Variants in UGT2B17 observed in about 807,000 individuals in gnomAD.
UGT2B17 encodes the protein UDP glucuronosyltransferase family 2 member B17, also known as UDP-glucuronosyltransferase 2B17.
Under a neutral mutation model 48.2 loss-of-function variants are expected in UGT2B17, and 21 were observed. The ratio of observed to expected loss-of-function variants is 0.44; its 90% CI spans 0.31 to 0.63. The LOEUF is 0.63. Among genes scored for constraint, UGT2B17 ranks in the 20% least tolerant of loss-of-function variants. The probability of loss-of-function intolerance (pLI) is 0.08; values close to 1 mark genes in which losing one functional copy is unlikely to be tolerated. For missense variants in UGT2B17, 402 were observed against 696.1 expected, an observed-to-expected ratio of 0.58 and a Z score of 4.75; for synonymous variants, 146 against 238.4, an observed-to-expected ratio of 0.61 and a Z score of 3.57.
rs1327422524 is a variant in UGT2B17, at chr4:68,555,751, T to G, written c.1006-3840A>C. 2.4e-5 allele frequency among the ~76,000 whole-genome samples: 3 copies of G among 123,876 alleles called. 1 individual carries two copies. The highest frequency in any genetic ancestry group is 5.1e-5 in the Non-Finnish European group (3 of 58,662). The allele number at this position is 123,876 out of a possible 152,430, so 81.3% of individuals were successfully genotyped here. On this transcript the variant is annotated intron_variant, in intron 4 of 6. Coordinates refer to ENST00000317746, the MANE Select transcript of UGT2B17 (RefSeq NM_001077.4). ...AATAATAGATATTTCATTGTTTGGG[T>G]ATTTTTAAAAAAAAATTTGTAGGAA... is the stretch of plus-strand genomic sequence containing the variant.
rs200394257 is a variant in UGT2B17 at position 68,567,744 on chromosome 4, T to A, written c.724+17A>T. The A allele has an allele frequency of 1.0e-5, 13 of 1,294,688 alleles. 2 individuals carry two copies. Among genetic ancestry groups the A allele is most frequent in the Admixed American group, 5.6e-5 (2 of 35,778 alleles). 80.2% of individuals were successfully genotyped at this position (1,294,688 alleles called of 1,614,324 possible). On this transcript the variant is annotated intron_variant, in intron 2 of 6. Coordinates refer to ENST00000317746, the MANE Select transcript of UGT2B17 (RefSeq NM_001077.4). ...AAAATTAGAACTTAATAAACACCAA[T>A]TGGACACACGACTTACCTAGAACTT...
chr4:68,550,609 C>G lies in UGT2B17; in HGVS notation c.1313+68G>C, dbSNP rs1730896074. ...AAAATTAGTCTCTTAACAAAGGGTTCAAACTCATATTCACTGTTGACAAAA... is the reference window on the plus strand; with the variant it reads ...AAAATTAGTCTCTTAACAAAGGGTTGAAACTCATATTCACTGTTGACAAAA... On this transcript the variant is annotated intron_variant, in intron 6 of 6. Transcript: ENST00000317746. 7.5e-6 allele frequency: 9 copies of G among 1,200,990 alleles called. 2 individuals carry two copies. Among genetic ancestry groups the G allele is most frequent in the Non-Finnish European group, 9.9e-6 (9 of 909,092 alleles). 74.4% of individuals were successfully genotyped at this position (1,200,990 alleles called of 1,614,324 possible).
Position 68,550,569 on chromosome 4 carries a change from C to T in UGT2B17, c.1313+108G>A, listed in dbSNP as rs1162297232. ...AGAGCAGATTTTACATTGGTTAAAT[C>T]ACTTCAATCCCTTCAAAATTAGTCT... On this transcript the variant is annotated intron_variant, in intron 6 of 6. Transcript: ENST00000317746. 6 of 854,462 alleles carry T rather than the reference C, an allele frequency of 7.0e-6. 1 individual carries two copies. Among genetic ancestry groups the T allele is most frequent in the Non-Finnish European group, 9.5e-6 (6 of 634,646 alleles). 52.9% of individuals were successfully genotyped at this position (854,462 alleles called of 1,614,324 possible). A position where few individuals can be genotyped will look rare whatever the true frequency, so the allele number is the denominator to read the frequency against.
rs573979904 is a variant in UGT2B17, at chr4:68,572,815, T to C, written c.-65+3136A>G. Among the ~76,000 whole-genome samples, 3 of 126,170 alleles carry C rather than the reference T, an allele frequency of 2.4e-5. 1 individual carries two copies. Among genetic ancestry groups the C allele is most frequent in the African/African-American group, 8.2e-5 (3 of 36,746 alleles). The allele number at this position is 126,170 out of a possible 152,430, so 82.8% of individuals were successfully genotyped here. On this transcript the variant is annotated intron_variant, in intron 1 of 6. Coordinates refer to ENST00000317746, the MANE Select transcript of UGT2B17 (RefSeq NM_001077.4). ...GATGAGTCTCCTCATGCTTCAGCCA[T>C]GCGTGGACCAGTCAGCTTCTGGGTG...
At chr4:68,567,172 C>T (rs1173453711) in intron 2 of UGT2B17, among the ~76,000 whole-genome samples, 2 of 125,622 alleles carry the variant, frequency 1.6e-5, no homozygotes, top group Non-Finnish European at 3.4e-5. Context: ...TCACTTTCAA[C>T]AAGATTTCAG....
At chr4:68,538,024 T>G in intron 6 of UGT2B17, 120 bp from the exon 7 acceptor site, 2 of 728,848 alleles carry the variant, frequency 2.7e-6, no homozygotes, top group Non-Finnish European at 3.6e-6. Flanking sequence ...GTCATTGAAT[T>G]GACATAAAAT....
Position 68,566,154 on chromosome 4 carries a change from A to G in UGT2B17, c.725-434T>C, listed in dbSNP as rs1211130621. On this transcript the variant is annotated intron_variant, in intron 2 of 6. Transcript: ENST00000317746. ...TAATATTTAATAGTTTTAATTTAAT[A>G]TTTAAATTATTTAATAAAATAATTT... Among the ~76,000 whole-genome samples, 2 of 118,912 alleles carry G rather than the reference A, an allele frequency of 1.7e-5. 1 individual carries two copies. Among genetic ancestry groups the G allele is most frequent in the Non-Finnish European group, 3.4e-5 (2 of 58,148 alleles). 78.0% of individuals were successfully genotyped at this position (118,912 alleles called of 152,430 possible). A position where few individuals can be genotyped will look rare whatever the true frequency, so the allele number is the denominator to read the frequency against.
rs1159871384 is a variant in UGT2B17, at chr4:68,568,683, G to A, written c.-64-135C>T. 4.7e-5 allele frequency among the ~76,000 whole-genome samples: 6 copies of A among 126,834 alleles called. 1 individual carries two copies. Among genetic ancestry groups the A allele is most frequent in the African/African-American group, 1.6e-4 (6 of 37,142 alleles). The allele number at this position is 126,834 out of a possible 152,430, so 83.2% of individuals were successfully genotyped here. A position where few individuals can be genotyped will look rare whatever the true frequency, so the allele number is the denominator to read the frequency against. ...CAATAATTTTTATGACCTAGAATAC[G>A]TAAGTAACCTGTCTTATGTAATTAT... On this transcript the variant is annotated intron_variant, in intron 1 of 6. Transcript: ENST00000317746.
chr4:68,564,636 C>T lies in UGT2B17; in HGVS notation c.873+936G>A, dbSNP rs1415821685. 4.8e-5 allele frequency among the ~76,000 whole-genome samples: 6 copies of T among 124,684 alleles called. 1 individual carries two copies. The highest frequency in any genetic ancestry group is 1.0e-4 in the Non-Finnish European group (6 of 59,148). 81.8% of individuals were successfully genotyped at this position (124,684 alleles called of 152,430 possible). ...TTTTCCTGTAAACTAAATTTGGAGTCCTGGGAACTGCCCTTACTGCTTTTC... is the reference window on the plus strand; with the variant it reads ...TTTTCCTGTAAACTAAATTTGGAGTTCTGGGAACTGCCCTTACTGCTTTTC... On this transcript the variant is annotated intron_variant, in intron 3 of 6. Coordinates refer to ENST00000317746, the MANE Select transcript of UGT2B17 (RefSeq NM_001077.4).
At chr4:68,563,338 G>T (rs530164805) in intron 3 of UGT2B17, among the ~76,000 whole-genome samples, 1 of 127,162 alleles carries the variant, frequency 7.9e-6, no homozygotes, top group Non-Finnish European at 1.7e-5. Flanking sequence ...TGCCGGGCAC[G>T]GAGGCTCACA....
In UGT2B17 at chr4:68,544,473, C is replaced by T. The variant is rs1730753933; in HGVS notation, c.1313+6204G>A. Among the ~76,000 whole-genome samples the T allele has an allele frequency of 1.6e-5, 2 of 126,166 alleles. 1 individual carries two copies. The highest frequency in any genetic ancestry group is 1.6e-4 in the Admixed American group (2 of 12,360). 82.8% of individuals were successfully genotyped at this position (126,166 alleles called of 152,430 possible). A position where few individuals can be genotyped will look rare whatever the true frequency, so the allele number is the denominator to read the frequency against. On this transcript the variant is annotated intron_variant, in intron 6 of 6. Coordinates refer to ENST00000317746, the MANE Select transcript of UGT2B17 (RefSeq NM_001077.4). ...TAAACATGGAAAGGAACAACTGGTACCAGCCACTGCAAAAACATGCCAAAT... is the reference window on the plus strand; with the variant it reads ...TAAACATGGAAAGGAACAACTGGTATCAGCCACTGCAAAAACATGCCAAAT...
At chr4:68,542,869 T>C (rs1415524508) in intron 6 of UGT2B17, among the ~76,000 whole-genome samples, 1 of 126,886 alleles carries the variant, frequency 7.9e-6, no homozygotes, top group Admixed American at 8.0e-5. Flanking sequence ...GAGATCGAAC[T>C]GCAAGGCAGC....
At chr4:68,547,529 A>T (rs149062088) in intron 6 of UGT2B17, among the ~76,000 whole-genome samples, 108,748 of 121,840 alleles carry the variant, frequency 0.89, 51,658 homozygotes, top group Non-Finnish European at 0.99. Flanking sequence ...GGACTTCATG[A>T]CTAAAACACC....
Position 68,550,830 on chromosome 4 carries a change from T to C in UGT2B17, c.1160A>G (p.His387Arg), listed in dbSNP as rs1257793847. 1 of 1,382,258 alleles carries C rather than the reference T, an allele frequency of 7.2e-7. No individual in the cohort carries two copies. The highest frequency in any genetic ancestry group is 9.4e-7 in the Non-Finnish European group (1 of 1,059,052). The allele number at this position is 1,382,258 out of a possible 1,614,324, so 85.6% of individuals were successfully genotyped here. ...GTNGIYEAIY[H>R]GIPMVGIPLF... ...GGGAATGCCCACCATAGGGATCCCA[T>C]GGTAGATTGCCTCATAGATGCCATT... The change falls in exon 6 of 7, where the codon CAT (histidine) becomes CGT (arginine). Residue 387 changes from histidine to arginine, a missense_variant. By Grantham distance (29) the His-to-Arg change is conservative. This residue lies in a region of UGT2B17 where 156 missense variants were observed against 258.6 expected (regional missense o/e 0.60). Transcript: ENST00000317746.
rs1360190105 is a variant in UGT2B17 at position 68,545,418 on chromosome 4, C to T, written c.1313+5259G>A. The stretch of plus-strand genomic sequence containing the variant: ...CATACCAGAATCTCTGGGACGCATT[C>T]AAAGCAGTGTGTAGATGGAAATTTA... On this transcript the variant is annotated intron_variant, in intron 6 of 6. Coordinates refer to ENST00000317746, the MANE Select transcript of UGT2B17 (RefSeq NM_001077.4). Among the ~76,000 whole-genome samples, 4 of 124,430 alleles carry T rather than the reference C, an allele frequency of 3.2e-5. 1 individual carries two copies. The highest frequency in any genetic ancestry group is 5.5e-5 in the African/African-American group (2 of 36,256). The allele number at this position is 124,430 out of a possible 152,430, so 81.6% of individuals were successfully genotyped here.
At chr4:68,540,810 G>A (rs1474872623) in intron 6 of UGT2B17, among the ~76,000 whole-genome samples, 7 of 123,818 alleles carry the variant, frequency 5.7e-5, no homozygotes, top group African/African-American at 1.4e-4. Context: ...TCCATGCCCC[G>A]AATGGCCCCG....
chr4:68,546,628 G>A lies in UGT2B17; in HGVS notation c.1313+4049C>T. On this transcript the variant is annotated intron_variant, in intron 6 of 6. Coordinates refer to ENST00000317746, the MANE Select transcript of UGT2B17 (RefSeq NM_001077.4). ...GGGTATTCAATTAGGAAAAGAGGAA[G>A]TCAAATTGTCCCTGTTTGCAGAAGA... Among the ~76,000 whole-genome samples the A allele has an allele frequency of 1.6e-5, 2 of 125,928 alleles. 1 individual carries two copies. The allele number at this position is 125,928 out of a possible 152,430, so 82.6% of individuals were successfully genotyped here.
At position 68,568,322 on chromosome 4, in the gene UGT2B17, C is replaced by T. The variant is rs1187121753; in HGVS notation, c.163G>A (p.Val55Met). 2.2e-6 allele frequency: 3 copies of T among 1,379,130 alleles called. No homozygotes were observed. The African/African-American group carries it at 4.4e-5, about 20-fold the overall frequency. 85.4% of individuals were successfully genotyped at this position (1,379,130 alleles called of 1,614,324 possible). A position where few individuals can be genotyped will look rare whatever the true frequency, so the allele number is the denominator to read the frequency against. Residue 55 changes from valine to methionine, a missense_variant, in exon 2 of 7, where the codon GTG (valine) becomes ATG (methionine). Physicochemically the swap from Val to Met is conservative, Grantham distance 21. This residue lies in a region of UGT2B17 where 51 missense variants were observed against 108.7 expected (regional missense o/e 0.47). Transcript: ENST00000317746. Reference protein sequence around the residue: ...ELVQRGHEVIVLTSSASILVN... With the variant: ...ELVQRGHEVIMLTSSASILVN... ...AGAATAGAAGCCGAAGATGTCAACA[C>T]AATCACCTCATGACCCCTCTGAACA...
chr4:68,565,619 C>T lies in UGT2B17; in HGVS notation c.826G>A (p.Asp276Asn). Reference sequence around the variant, plus strand: ...TTACAGTGAAGTCCTCCAACAAAATCAACATTTGGTAAGAATGGGCGAGGA... The same window carrying T: ...TTACAGTGAAGTCCTCCAACAAAATTAACATTTGGTAAGAATGGGCGAGGA... ...EFPRPFLPNV[D>N]FVGGLHCKPA... The change falls in exon 3 of 7, where the codon GAT becomes AAT. Residue 276 changes from aspartate to asparagine, a missense_variant. Physicochemically the swap from Asp to Asn is conservative, Grantham distance 23. Transcript: ENST00000317746. The T allele has an allele frequency of 7.3e-7, 1 of 1,370,868 alleles. No homozygotes were observed. The highest frequency in any genetic ancestry group is 9.5e-7 in the Non-Finnish European group (1 of 1,051,128). 84.9% of individuals were successfully genotyped at this position (1,370,868 alleles called of 1,614,324 possible). A position where few individuals can be genotyped will look rare whatever the true frequency, so the allele number is the denominator to read the frequency against.
Sources: allele counts gnomAD v4.1 joint callset (sites outside exome capture counted in the v4.1 genomes callset), GRCh38; gene constraint gnomAD v4.1.1; regional missense constraint gnomAD v4.1.1; transcripts MANE v1.5; gene names NCBI Gene and HGNC (gene_info 2026-07-23, HGNC 2026-07-21).